Variants in SLC9A3 observed in about 807,000 individuals in gnomAD.
The protein encoded by SLC9A3 is sodium/hydrogen exchanger 3.
Under a neutral mutation model 86.8 loss-of-function variants are expected in SLC9A3, and 37 were observed. The ratio of observed to expected loss-of-function variants is 0.43; its 90% CI spans 0.33 to 0.56. The LOEUF is 0.56. SLC9A3 is among the 20% of genes least tolerant of loss of function. The pLI, the probability that SLC9A3 is intolerant of heterozygous loss-of-function variation, is 0.06. For synonymous variants in SLC9A3, 581 were observed against 528.3 expected (o/e 1.10, Z -1.37); for missense variants, 1,011 against 1,171.9 (o/e 0.86, Z 2.00).
rs144798475 is a variant in SLC9A3, at chr5:476,296, C to T, written c.1973G>A (p.Arg658Gln). 8.7e-6 allele frequency: 14 copies of T among 1,614,002 alleles called. No individual in the cohort carries two copies. Among genetic ancestry groups the T allele is most frequent in the African/African-American group, 4.0e-5 (3 of 75,054 alleles). The change falls in exon 13 of 17, where the codon CGG (arginine) becomes CAG (glutamine). Residue 658 changes from arginine to glutamine, a missense_variant. Arg to Gln is a conservative substitution (Grantham distance 43). Transcript: ENST00000264938. ...CGACTTGAAGGACTCCAGGCGCTTC[C>T]GCATGGTCCTGTGGAAGATTTCCCG... ...QDREIFHRTM[R>Q]KRLESFKSTK...
At chr5:480,165 AGAC>A in intron 9 of SLC9A3, 200 bp from the exon 10 acceptor site, 1 of 563,780 alleles carries the variant, frequency 1.8e-6, no homozygotes, top group Non-Finnish European at 3.1e-6. Context: ...GGAGGCCGTT[AGAC>A]GCATATGAAA....
rs1032728574 is a variant in SLC9A3, at chr5:496,277, C to T, written c.212-4206G>A. Among the ~76,000 whole-genome samples, 10 of 152,188 alleles carry T rather than the reference C, an allele frequency of 6.6e-5. No homozygotes were observed. The highest frequency in any genetic ancestry group is 1.5e-4 in the Non-Finnish European group (10 of 68,038). ...CTTCAGGGTGTGTGTGTGTTGAGAGCTCACCTGTGTCCTCCTGCATGGGAC... is the reference window on the plus strand; with the variant it reads ...CTTCAGGGTGTGTGTGTGTTGAGAGTTCACCTGTGTCCTCCTGCATGGGAC... On this transcript the variant is annotated intron_variant, in intron 1 of 16. Coordinates refer to ENST00000264938, the MANE Select transcript of SLC9A3 (RefSeq NM_004174.4). This position sits in a 1 kb window ranked among gnomAD's most constrained non-coding sequence, Gnocchi z 4.7.
intron 9 of SLC9A3, 95 bp downstream of exon 9, chr5:481,470 C>A: frequency 1.9e-6 from 2 of 1,076,816 alleles, no homozygotes; most frequent in Non-Finnish European, 1.4e-6. Flanking sequence ...TGGACTCAAA[C>A]AGTTGTTATG....
Position 482,813 on chromosome 5 carries a change from C to A in SLC9A3, c.1154-63G>T, listed in dbSNP as rs186622146. 1,750 of 1,340,846 alleles carry A rather than the reference C, an allele frequency of 1.3e-3. 10 individuals carry two copies. The highest frequency in any genetic ancestry group is 9.7e-3 in the African/African-American group (664 of 68,640). 83.1% of individuals were successfully genotyped at this position (1,340,846 alleles called of 1,614,324 possible). A position where few individuals can be genotyped will look rare whatever the true frequency, so the allele number is the denominator to read the frequency against. Reference sequence around the variant, plus strand: ...CCCTCCCAGCCGCGGGACCCCAGCCCCTCCGGGACAGCGTCTTGGCGGCCA... The same window carrying A: ...CCCTCCCAGCCGCGGGACCCCAGCCACTCCGGGACAGCGTCTTGGCGGCCA... On this transcript the variant is annotated intron_variant, in intron 6 of 16. Transcript: ENST00000264938.
intron 1 of SLC9A3, among the ~76,000 whole-genome samples, chr5:507,362 T>G (rs1230799064): frequency 2.6e-5 from 1 of 38,794 alleles, no homozygotes. Context: ...AGAGACGGGG[T>G]TTCACCGTTT....
chr5:524,152 G>T lies in SLC9A3; in HGVS notation c.171C>A (p.Val57=). The change falls in exon 1 of 17, where the codon GTC becomes GTA. Residue 57 remains valine, a synonymous_variant. Coordinates refer to ENST00000264938, the MANE Select transcript of SLC9A3 (RefSeq NM_004174.4). ...TGGCCACGAGGATCCAGAGCGCGAT[G>T]ACGTAGGGATCCTGCACGTGGGCCC... ...FEWAHVQDPY[V]IALWILVASL... is the part of the protein sequence containing the mutation. 2 of 1,544,386 alleles carry T rather than the reference G, an allele frequency of 1.3e-6. No individual in the cohort carries two copies. Among genetic ancestry groups the T allele is most frequent in the Non-Finnish European group, 1.7e-6 (2 of 1,147,968 alleles).
chr5:522,207 G>A (rs1210680514), intron 1 of SLC9A3, among the ~76,000 whole-genome samples: 2 of 152,210 alleles, frequency 1.3e-5, no homozygotes, highest in African/African-American at 2.4e-5. Context: ...CCTGCCCCGG[G>A]GAGTTGCTGC....
At chr5:510,916 C>T (rs1174160116) in intron 1 of SLC9A3, among the ~76,000 whole-genome samples, 1 of 152,238 alleles carries the variant, frequency 6.6e-6, no homozygotes, top group Non-Finnish European at 1.5e-5. Flanking sequence ...TGCCTGGACA[C>T]CTGCTGCCCC....
At chr5:512,628 A>G (rs969305313) in intron 1 of SLC9A3, among the ~76,000 whole-genome samples, 1 of 152,174 alleles carries the variant, frequency 6.6e-6, no homozygotes, top group Admixed American at 6.5e-5. Context: ...ACTTGATACT[A>G]TCAGCTCAAT....
intron 2 of SLC9A3, among the ~76,000 whole-genome samples, chr5:490,477 G>T (rs1739682348): frequency 6.6e-6 from 1 of 152,228 alleles, no homozygotes; most frequent in East Asian, 1.9e-4. Context: ...GGGAAATCCG[G>T]CAGTGTCTCT....
chr5:520,511 C>T (rs368954644), intron 1 of SLC9A3, among the ~76,000 whole-genome samples: 12 of 152,252 alleles, frequency 7.9e-5, no homozygotes, highest in South Asian at 4.1e-4. Flanking sequence ...TGCTGTCCAC[C>T]GCCCTGATGC....
At chr5:484,012 G>A (rs111662384) in intron 5 of SLC9A3, among the ~76,000 whole-genome samples, 5 of 152,346 alleles carry the variant, frequency 3.3e-5, no homozygotes, top group African/African-American at 9.6e-5. Context: ...GCAGAGCCCG[G>A]AGCTTCTGCC....
chr5:510,575 T>C (rs1337800099), intron 1 of SLC9A3, among the ~76,000 whole-genome samples: 1 of 152,204 alleles, frequency 6.6e-6, no homozygotes, highest in Non-Finnish European at 1.5e-5. Flanking sequence ...ATGAGGCCCA[T>C]GGATGCATGA....
chr5:524,105 C>T lies in SLC9A3; in HGVS notation c.211+7G>A. The T allele has an allele frequency of 6.7e-7, 1 of 1,496,260 alleles. No homozygotes were observed. The highest frequency in any genetic ancestry group is 1.3e-5 in the South Asian group (1 of 79,146). The allele number at this position is 1,496,260 out of a possible 1,614,324, so 92.7% of individuals were successfully genotyped here. A position where few individuals can be genotyped will look rare whatever the true frequency, so the allele number is the denominator to read the frequency against. On this transcript the variant is annotated splice_region_variant and intron_variant, in intron 1 of 16. Transcript: ENST00000264938. ...CGGGCAGATCCGGAGACCCCGGGGCCACTTACCGATCTTGGCCAAGCTGGC... is the reference window on the plus strand; with the variant it reads ...CGGGCAGATCCGGAGACCCCGGGGCTACTTACCGATCTTGGCCAAGCTGGC...
chr5:482,197 C>G (rs528902590), intron 7 of SLC9A3, 40 bp from the exon 8 acceptor site: 2 of 1,487,400 alleles, frequency 1.3e-6, no homozygotes, highest in South Asian at 2.3e-5. Context: ...CCAGGCAGCC[C>G]CCCACATCCC....
intron 1 of SLC9A3, among the ~76,000 whole-genome samples, chr5:498,711 T>C (rs897318745): frequency 2.6e-5 from 4 of 152,238 alleles, no homozygotes; most frequent in African/African-American, 9.6e-5. Flanking sequence ...CAACCGTGTC[T>C]TCTCCCCTTG....
In SLC9A3 at chr5:496,433, G is replaced by A. The variant is rs1253047596; in HGVS notation, c.212-4362C>T. Among the ~76,000 whole-genome samples, 2 of 152,248 alleles carry A rather than the reference G, an allele frequency of 1.3e-5. No individual in the cohort carries two copies. The highest frequency in any genetic ancestry group is 1.3e-4 in the Admixed American group (2 of 15,288). On this transcript the variant is annotated intron_variant, in intron 1 of 16. Transcript: ENST00000264938. This position sits in a 1 kb window ranked among gnomAD's most constrained non-coding sequence, Gnocchi z 4.7. Reference sequence around the variant, plus strand: ...CTGTGGGTGACGCGTGAACGACCCCGTTCTGTGAAAGTGTCGGCTTGCTCC... The same window carrying A: ...CTGTGGGTGACGCGTGAACGACCCCATTCTGTGAAAGTGTCGGCTTGCTCC...
rs113347805 is a variant in SLC9A3, at chr5:496,332, G to GCTGCACC, written c.212-4262_212-4261insGGTGCAG. On this transcript the variant is annotated intron_variant, in intron 1 of 16. Transcript: ENST00000264938. This position sits in a 1 kb window ranked among gnomAD's most constrained non-coding sequence, Gnocchi z 4.7. Reference sequence around the variant, plus strand: ...CGTCCCACCTGCCCACGGGGGAGGAGCCGCACCCATCCCCACCGGCCAGGC... The same window carrying GCTGCACC: ...CGTCCCACCTGCCCACGGGGGAGGAGCTGCACCCCGCACCCATCCCCACCGGCCAGGC... Among the ~76,000 whole-genome samples, 4 of 151,822 alleles carry GCTGCACC rather than the reference G, an allele frequency of 2.6e-5. No homozygotes were observed. Among genetic ancestry groups the GCTGCACC allele is most frequent in the African/African-American group, 9.7e-5 (4 of 41,324 alleles).
chr5:482,367 T>C (rs1385092719), intron 7 of SLC9A3, among the ~76,000 whole-genome samples, 181 bp downstream of exon 7: 1 of 152,148 alleles, frequency 6.6e-6, no homozygotes, highest in Non-Finnish European at 1.5e-5. Flanking sequence ...AGAACATTTT[T>C]AGGACAATTA....
Sources: allele counts gnomAD v4.1 joint callset (sites outside exome capture counted in the v4.1 genomes callset), GRCh38; gene constraint gnomAD v4.1.1; non-coding constraint Gnocchi (gnomAD v3.1); transcripts MANE v1.5; gene names NCBI Gene and HGNC (gene_info 2026-07-23, HGNC 2026-07-21).